CHD2: variants seen among roughly 807,000 people sequenced by gnomAD.
CHD2 encodes the protein ATP-dependent chromatin remodeler CHD2.
A neutral mutation model predicts 243.9 loss-of-function variants in CHD2; 28 were observed. The observed-to-expected ratio is 0.11, with a 90% CI of 0.09 to 0.16. The LOEUF (loss-of-function observed/expected upper bound fraction) is 0.16. CHD2 is among the 10% of genes least tolerant of loss of function. The pLI is 1.00. For missense variants in CHD2, 1,386 were observed against 2,209.8 expected (o/e 0.63, Z 7.47); for synonymous variants, 775 against 779.0 (o/e 0.99, Z 0.09).
In CHD2 at chr15:93,014,679, T is replaced by TTCCTTTTAC. The variant is rs1158810845; in HGVS notation, c.4693-14_4693-6dup. The TTCCTTTTAC allele has an allele frequency of 6.2e-7, 1 of 1,608,542 alleles. No homozygotes were observed. The highest frequency in any genetic ancestry group is 1.1e-5 in the South Asian group (1 of 90,810). On this transcript the variant is annotated splice_polypyrimidine_tract_variant and intron_variant, in intron 36 of 38. Transcript: ENST00000394196. ...GCCTGGGATCTTGAGCTTCTTTGGT[T>TTCCTTTTAC]TCCTTTTACTCTTTAGGAGCAAAAG...
intron 28 of CHD2, among the ~76,000 whole-genome samples, chr15:92,993,908 GCTGCAGTGAGTTGAGATCATGCCA>G (rs1251692233): frequency 2.1e-4 from 32 of 152,004 alleles, no homozygotes; most frequent in African/African-American, 6.5e-4. Flanking sequence ...AGATCATGCC[GCTGCAGTGAGTTGAGATCATGCCA>G]CTGCACTTCA....
Position 92,992,883 on chromosome 15 carries a change from T to C in CHD2, c.3480T>C (p.Ala1160=). ...GGCTGGAGTGCATAGCACGTGATGCTGAGCTGGTAGATAAGTCGGTGGCAG... is the reference window on the plus strand; with the variant it reads ...GGCTGGAGTGCATAGCACGTGATGCCGAGCTGGTAGATAAGTCGGTGGCAG... ...LERLECIARD[A]ELVDKSVADL... Residue 1160 remains alanine, a synonymous_variant, in exon 28 of 39, where the codon GCT becomes GCC. Coordinates refer to ENST00000394196, the MANE Select transcript of CHD2 (RefSeq NM_001271.4). The C allele has an allele frequency of 6.2e-7, 1 of 1,613,916 alleles. No individual in the cohort carries two copies. The highest frequency in any genetic ancestry group is 8.5e-7 in the Non-Finnish European group (1 of 1,180,036).
chr15:92,944,671 T>G (rs902791313), intron 10 of CHD2, 156 bp downstream of exon 10: 1 of 397,738 alleles, frequency 2.5e-6, no homozygotes, highest in Non-Finnish European at 4.6e-6. Flanking sequence ...CTGGTAAATT[T>G]GGATGTGGGG....
intron 11 of CHD2, 62 bp downstream of exon 11, chr15:92,945,927 G>C: frequency 6.1e-6 from 9 of 1,475,786 alleles, no homozygotes; most frequent in African/African-American, 1.4e-5. Flanking sequence ...ATGTTTTGCA[G>C]ATTATTTTGT....
intron 31 of CHD2, among the ~76,000 whole-genome samples, chr15:92,999,009 G>T (rs994864206): frequency 6.9e-6 from 1 of 145,260 alleles, no homozygotes; most frequent in African/African-American, 2.6e-5. Context: ...GTGTGAACCC[G>T]GGAGGCGGAG....
At chr15:92,979,938 T>G (rs765637783) in intron 22 of CHD2, among the ~76,000 whole-genome samples, 1 of 151,612 alleles carries the variant, frequency 6.6e-6, no homozygotes, top group Non-Finnish European at 1.5e-5. Flanking sequence ...ATAATATCAA[T>G]ATTATCAAGA....
At chr15:92,951,660 A>G (rs1220279542) in intron 13 of CHD2, among the ~76,000 whole-genome samples, 5 of 152,214 alleles carry the variant, frequency 3.3e-5, no homozygotes, top group African/African-American at 4.8e-5. Flanking sequence ...TTCTAGGGGC[A>G]GGAAATACTG....
intron 2 of CHD2, among the ~76,000 whole-genome samples, chr15:92,909,939 C>CGTGTGTGTGT (rs57621949): frequency 6.0e-4 from 90 of 149,226 alleles, no homozygotes; most frequent in Middle Eastern, 7.1e-3. Context: ...AAGGGTTTTA[C>CGTGTGTGTGT]GTGTGTGTGT....
chr15:92,924,661 C>T, intron 3 of CHD2, 109 bp downstream of exon 3: 2 of 885,584 alleles, frequency 2.3e-6, no homozygotes, highest in Non-Finnish European at 3.7e-6. Context: ...AAACCTACAG[C>T]CATTTTTTCT....
chr15:92,919,166 C>CTT (rs956891449), intron 2 of CHD2, among the ~76,000 whole-genome samples: 6 of 143,592 alleles, frequency 4.2e-5, no homozygotes, highest in Non-Finnish European at 6.1e-5. Flanking sequence ...CATAATTACA[C>CTT]TTTTTTTTTT....
intron 2 of CHD2, among the ~76,000 whole-genome samples, chr15:92,903,451 T>TA (rs2052558931): frequency 6.6e-6 from 1 of 152,248 alleles, no homozygotes; most frequent in Admixed American, 6.5e-5. Context: ...GTAAATCTGG[T>TA]AATACCCTGT....
intron 35 of CHD2, 54 bp from the exon 36 acceptor site, chr15:93,012,291 A>C: frequency 8.0e-7 from 1 of 1,253,000 alleles, no homozygotes. Context: ...AAGATCATAA[A>C]AAATTGCTTT....
Position 93,026,039 on chromosome 15 carries a change from C to T in CHD2, c.*1334C>T, listed in dbSNP as rs372747897. 1.3e-5 allele frequency: 2 copies of T among 152,594 alleles called. No homozygotes were observed. The highest frequency in any genetic ancestry group is 2.1e-4 in the South Asian group (1 of 4,822). 9.5% of individuals were successfully genotyped at this position (152,594 alleles called of 1,614,324 possible). ...TGAGCTATAGATAGTAAAAATCATACGAGAGTTGAACTGAGTCAGGTTTAG... is the reference window on the plus strand; with the variant it reads ...TGAGCTATAGATAGTAAAAATCATATGAGAGTTGAACTGAGTCAGGTTTAG... On this transcript the variant is annotated 3_prime_UTR_variant, in exon 39 of 39. Coordinates refer to ENST00000394196, the MANE Select transcript of CHD2 (RefSeq NM_001271.4).
intron 26 of CHD2, among the ~76,000 whole-genome samples, chr15:92,987,771 A>ATGTTTTTTTTGTTTAT: frequency 6.6e-6 from 1 of 151,360 alleles, no homozygotes; most frequent in South Asian, 2.1e-4. Flanking sequence ...TCTATATGTC[A>ATGTTTTTTTTGTTTAT]TGTTTTTTTT....
intron 17 of CHD2, 72 bp downstream of exon 17, chr15:92,967,585 T>C (rs945280625): frequency 2.0e-6 from 2 of 1,018,190 alleles, no homozygotes; most frequent in Non-Finnish European, 2.7e-6. Context: ...AGGAGATATA[T>C]ATATATACTT....
intron 37 of CHD2, 101 bp from the exon 38 acceptor site, chr15:93,019,911 C>G (rs1425661588): frequency 1.2e-5 from 17 of 1,401,760 alleles, no homozygotes; most frequent in Non-Finnish European, 1.5e-5. Flanking sequence ...CCAGCCTGGG[C>G]AAACAGAGCA....
At chr15:92,933,519 C>G (rs957655633) in intron 5 of CHD2, among the ~76,000 whole-genome samples, 1 of 152,126 alleles carries the variant, frequency 6.6e-6, no homozygotes, top group Non-Finnish European at 1.5e-5. Flanking sequence ...TGATTAAACT[C>G]TTTTTTTCAT....
At chr15:93,006,758 A>G (rs1283051841) in intron 34 of CHD2, among the ~76,000 whole-genome samples, 12 of 152,194 alleles carry the variant, frequency 7.9e-5, no homozygotes, top group African/African-American at 2.4e-5. Flanking sequence ...AGCCTCCCAC[A>G]TATAAACAAC....
At chr15:93,012,108 G>GA (rs952040945) in intron 35 of CHD2, among the ~76,000 whole-genome samples, 2 of 151,752 alleles carry the variant, frequency 1.3e-5, no homozygotes, top group African/African-American at 4.8e-5. Context: ...ACATTGATGA[G>GA]AAAAAAAATT....
Sources: gnomAD v4.1 joint callset for allele counts (sites outside exome capture counted in the v4.1 genomes callset) on GRCh38, gnomAD v4.1.1 for gene constraint, MANE v1.5 for transcripts, NCBI Gene and HGNC (gene_info 2026-07-23, HGNC 2026-07-21) for gene names.